Variants in CCDC196 observed in about 807,000 individuals in gnomAD.
The protein encoded by CCDC196 is coiled-coil domain-containing protein 196.
chr14:66,493,684 G>A (rs1742147521), intron 8 of CCDC196: 1 of 152,092 alleles, frequency 6.6e-6, no homozygotes, highest in Non-Finnish European at 1.5e-5. Context: ...TGATCCATAG[G>A]TAAATTTTAG....
chr14:66,494,123 G>A (rs2057606730), intron 8 of CCDC196, among the ~76,000 whole-genome samples: 1 of 152,126 alleles, frequency 6.6e-6, no homozygotes, highest in South Asian at 2.1e-4. Context: ...TTCCTTTTAT[G>A]TTCCTGGAGA....
At position 66,491,609 on chromosome 14, in the gene CCDC196, G is replaced by A. The variant is rs896793844; in HGVS notation, c.514-17G>A. The A allele has an allele frequency of 4.8e-6, 2 of 413,726 alleles. No individual in the cohort carries two copies. Among genetic ancestry groups the A allele is most frequent in the East Asian group, 7.1e-5 (2 of 28,066 alleles). 25.6% of individuals were successfully genotyped at this position (413,726 alleles called of 1,614,324 possible). On this transcript the variant is annotated splice_polypyrimidine_tract_variant and intron_variant, in intron 6 of 9. Transcript: ENST00000636229. ...TCTCAATTTACTTTGTCACCCAGAG[G>A]CTCTTTCTTCCACCAGGAAAAGCAA...
chr14:66,490,148 C>T (rs2057502180), intron 4 of CCDC196, among the ~76,000 whole-genome samples: 1 of 152,090 alleles, frequency 6.6e-6, no homozygotes, highest in South Asian at 2.1e-4. Flanking sequence ...GTTCTTGAGT[C>T]CTCGTAATAG....
chr14:66,492,758 T>C (rs1158928192), intron 8 of CCDC196: 2 of 152,712 alleles, frequency 1.3e-5, no homozygotes, highest in South Asian at 2.1e-4. Flanking sequence ...GTAGCTGATA[T>C]ATAGCTAGCA....
rs189894660 is a variant in CCDC196, at chr14:66,497,234, T to C, written c.716-875T>C. The stretch of plus-strand genomic sequence containing the variant: ...AAGTTAGGTTTATGGTATTAATAGG[T>C]TATAAAGTTAATTTCTAAACTAAGT... On this transcript the variant is annotated intron_variant, in intron 8 of 9. Transcript: ENST00000636229. Among the ~76,000 whole-genome samples the C allele has an allele frequency of 1.2e-3, 176 of 152,284 alleles. 1 individual carries two copies. The highest frequency in any genetic ancestry group is 7.0e-3 in the Admixed American group (107 of 15,292).
At chr14:66,494,343 AT>A (rs1225621711) in intron 8 of CCDC196, among the ~76,000 whole-genome samples, 1 of 152,106 alleles carries the variant, frequency 6.6e-6, no homozygotes, top group African/African-American at 2.4e-5. Context: ...TATGTGGCCT[AT>A]TTTTTCACCT....
chr14:66,486,830 T>C lies in CCDC196; in HGVS notation c.203+21T>C, dbSNP rs145251292. 2.6e-3 allele frequency: 1,066 copies of C among 412,770 alleles called. 10 individuals are homozygous for C. Among genetic ancestry groups the C allele is most frequent in the African/African-American group, 0.021 (1,005 of 48,734 alleles). 25.6% of individuals were successfully genotyped at this position (412,770 alleles called of 1,614,324 possible). On this transcript the variant is annotated intron_variant, in intron 2 of 9. Coordinates refer to ENST00000636229, the MANE Select transcript of CCDC196 (RefSeq NM_001351576.1). ...AGGAGGTACGGGCTCTTACTCTGGATTCCTAGAGGTAAAAAGGCTGGAGAA... is the reference window on the plus strand; with the variant it reads ...AGGAGGTACGGGCTCTTACTCTGGACTCCTAGAGGTAAAAAGGCTGGAGAA...
intron 8 of CCDC196, chr14:66,496,255 A>G (rs759412300): frequency 4.4e-6 from 2 of 456,224 alleles, no homozygotes; most frequent in Non-Finnish European, 8.8e-6. Flanking sequence ...GTAGATGAAG[A>G]GTTTACCTCA....
intron 4 of CCDC196, among the ~76,000 whole-genome samples, chr14:66,489,961 CTG>C (rs1397405870): frequency 6.6e-6 from 1 of 152,144 alleles, no homozygotes; most frequent in Non-Finnish European, 1.5e-5. Flanking sequence ...GAAGAGTAGA[CTG>C]TGTCTTGTGA....
chr14:66,494,505 T>A (rs898892035), intron 8 of CCDC196: 2 of 152,244 alleles, frequency 1.3e-5, no homozygotes, highest in Non-Finnish European at 2.9e-5. Context: ...TCACCTGGAC[T>A]ATTATTTATT....
intron 3 of CCDC196, among the ~76,000 whole-genome samples, chr14:66,488,769 T>C (rs1255764474): frequency 6.6e-6 from 1 of 152,132 alleles, no homozygotes; most frequent in Non-Finnish European, 1.5e-5. Context: ...ATTAAAGTTA[T>C]TACTTAAAAC....
chr14:66,495,397 C>T (rs2057638335), intron 8 of CCDC196, among the ~76,000 whole-genome samples: 2 of 152,144 alleles, frequency 1.3e-5, no homozygotes, highest in African/African-American at 2.4e-5. Flanking sequence ...TTGTGCAACC[C>T]TCACAGTGAC....
intron 8 of CCDC196, among the ~76,000 whole-genome samples, chr14:66,497,659 C>T (rs913099411): frequency 6.6e-6 from 1 of 152,060 alleles, no homozygotes; most frequent in African/African-American, 2.4e-5. Flanking sequence ...ATTTAGCACC[C>T]TATAATTCTC....
intron 8 of CCDC196, among the ~76,000 whole-genome samples, chr14:66,497,146 T>C (rs2057686086): frequency 6.6e-6 from 1 of 152,160 alleles, no homozygotes; most frequent in Admixed American, 6.5e-5. Context: ...TGATAAGCAG[T>C]ACTGTTGCTT....
chr14:66,492,261 A>T, intron 8 of CCDC196, 67 bp downstream of exon 8: 1 of 411,238 alleles, frequency 2.4e-6, no homozygotes, highest in Non-Finnish European at 4.4e-6. Flanking sequence ...GGAGACCTTT[A>T]CTTGTAAAGT....
chr14:66,491,930 C>G, intron 7 of CCDC196, 123 bp from the exon 8 acceptor site: 1 of 406,324 alleles, frequency 2.5e-6, no homozygotes. Context: ...ACTTTCTACC[C>G]AACTTTTAAA....
chr14:66,486,921 G>C (rs1287934992), intron 2 of CCDC196, 112 bp downstream of exon 2: 1 of 404,316 alleles, frequency 2.5e-6, no homozygotes, highest in East Asian at 3.6e-5. Context: ...CTAAAGGTTT[G>C]GACATTCAGC....
intron 8 of CCDC196, chr14:66,496,267 T>A (rs1303592988): frequency 2.2e-6 from 1 of 456,188 alleles, no homozygotes; most frequent in Non-Finnish European, 4.4e-6. Flanking sequence ...TTTACCTCAG[T>A]ACTCTTAGCC....
chr14:66,487,433 C>A (rs2057433131), intron 2 of CCDC196, among the ~76,000 whole-genome samples: 1 of 152,154 alleles, frequency 6.6e-6, no homozygotes, highest in African/African-American at 2.4e-5. Context: ...GGTCAAGCAC[C>A]AGCTGCTTAC....
Sources: gnomAD v4.1 joint callset for allele counts (sites outside exome capture counted in the v4.1 genomes callset) on GRCh38, gnomAD v4.1.1 for gene constraint, MANE v1.5 for transcripts, NCBI Gene and HGNC (gene_info 2026-07-23, HGNC 2026-07-21) for gene names.